Variants in GAS7 observed in about 807,000 individuals in gnomAD.
The protein encoded by GAS7 is growth arrest specific 7, also known as growth arrest-specific protein 7.
Under a neutral mutation model 71.1 loss-of-function variants are expected in GAS7, and 28 were observed. The observed-to-expected ratio is 0.39, with a 90% CI of 0.29 to 0.54. The LOEUF (loss-of-function observed/expected upper bound fraction) is 0.54. Ranked by LOEUF, GAS7 falls within the 20% of genes least tolerant of loss-of-function variation. The pLI, the probability that GAS7 is intolerant of heterozygous loss-of-function variation, is 0.62. For missense variants in GAS7, 436 were observed against 627.8 expected (o/e 0.69, Z 3.27); for synonymous variants, 258 against 245.8 (o/e 1.05, Z -0.46).
chr17:10,104,313 G>A (rs1041443962), intron 1 of GAS7, among the ~76,000 whole-genome samples: 1 of 152,052 alleles, frequency 6.6e-6, no homozygotes, highest in Non-Finnish European at 1.5e-5. Context: ...ACTGCTCTGG[G>A]CTCCCATGAC....
intron 1 of GAS7, among the ~76,000 whole-genome samples, chr17:10,041,876 G>A (rs954959325): frequency 2.0e-5 from 3 of 152,102 alleles, no homozygotes; most frequent in Admixed American, 1.3e-4. Context: ...TGAGTTCAAC[G>A]GCATCAGATA....
rs760627389 is a variant in GAS7, at chr17:9,918,140, C to T, written c.1219-41G>A. 13 of 1,465,740 alleles carry T rather than the reference C, an allele frequency of 8.9e-6. No individual in the cohort carries two copies. In the Admixed American group the frequency reaches 1.5e-4, roughly 17 times the overall value. The allele number at this position is 1,465,740 out of a possible 1,614,324, so 90.8% of individuals were successfully genotyped here. A position where few individuals can be genotyped will look rare whatever the true frequency, so the allele number is the denominator to read the frequency against. ...AGGCCAGAGAACTCTGAGCACGTCC[C>T]CTCCACTTGGGGGTCCCCCCACCAA... On this transcript the variant is annotated intron_variant, in intron 12 of 13. Transcript: ENST00000432992.
chr17:10,181,501 C>CA lies in GAS7; in HGVS notation c.183+16706dup, dbSNP rs1051756402. Among the ~76,000 whole-genome samples, 93 of 151,126 alleles carry CA rather than the reference C, an allele frequency of 6.2e-4. 2 individuals carry two copies. Among genetic ancestry groups the CA allele is most frequent in the Admixed American group, 1.8e-3 (28 of 15,180 alleles). ...GAACAGCATGCACAGGGTACAGAAG[C>CA]AAAAAAAAGCAAAGCTGTACCCAAG... On this transcript the variant is annotated intron_variant, in intron 1 of 13. Coordinates refer to ENST00000432992, the MANE Select transcript of GAS7 (RefSeq NM_201433.2).
chr17:10,126,895 T>C (rs952247578), intron 1 of GAS7, among the ~76,000 whole-genome samples: 3 of 152,154 alleles, frequency 2.0e-5, no homozygotes, highest in Non-Finnish European at 4.4e-5. Context: ...TTTTAACCTC[T>C]TTGGGTCTCT....
Position 9,920,490 on chromosome 17 carries a change from A to C in GAS7, c.1139-785T>G, listed in dbSNP as rs138841077. ...TTAGAAAGAAAACACACTGCGAAGT[A>C]ATTGCAAACATTACTAAGCGTACCA... is the stretch of plus-strand genomic sequence containing the variant. On this transcript the variant is annotated intron_variant, in intron 11 of 13. Coordinates refer to ENST00000432992, the MANE Select transcript of GAS7 (RefSeq NM_201433.2). 1.4e-4 allele frequency among the ~76,000 whole-genome samples: 21 copies of C among 152,370 alleles called. No individual in the cohort carries two copies. The East Asian group carries it at 3.3e-3, about 24-fold the overall frequency.
intron 5 of GAS7, 69 bp from the exon 6 acceptor site, chr17:9,947,052 T>C: frequency 9.6e-7 from 1 of 1,046,144 alleles, no homozygotes; most frequent in Non-Finnish European, 1.5e-6. Flanking sequence ...CTTCGGCTCC[T>C]GGGGGACACG....
intron 1 of GAS7, among the ~76,000 whole-genome samples, chr17:10,115,480 G>A (rs1275537282): frequency 6.6e-6 from 1 of 152,216 alleles, no homozygotes; most frequent in Non-Finnish European, 1.5e-5. Context: ...AGAAAGAAGT[G>A]TTCCTAACTG....
At position 10,058,831 on chromosome 17, in the gene GAS7, A is replaced by G. The variant is rs866528027; in HGVS notation, c.184-38934T>C. Reference sequence around the variant, plus strand: ...TTAGGTGGGGAAATAGAGCCTCAGAAAAGTTGACAAAATGGTCACACAGGT... The same window carrying G: ...TTAGGTGGGGAAATAGAGCCTCAGAGAAGTTGACAAAATGGTCACACAGGT... On this transcript the variant is annotated intron_variant, in intron 1 of 13. Transcript: ENST00000432992. Among the ~76,000 whole-genome samples the G allele has an allele frequency of 1.4e-4, 22 of 152,370 alleles. No homozygotes were observed. The Middle Eastern group carries it at 0.01, about 71-fold the overall frequency.
rs1371468090 is a variant in GAS7, at chr17:9,969,753, T to C, written c.395A>G (p.Tyr132Cys). ...GTGCGCTGGGGTCCCTGATGCGTGG[T>C]ATCCATTCACTGCAGGGACAGAGAC... is the stretch of plus-strand genomic sequence containing the variant. Reference protein sequence around the residue: ...RSSLPPTVNGYHASGTPAHPP... With the variant: ...RSSLPPTVNGCHASGTPAHPP... Residue 132 changes from tyrosine to cysteine, a missense_variant, in exon 4 of 14, where the codon TAC becomes TGC. Physicochemically the swap from Tyr to Cys is radical, Grantham distance 194. Transcript: ENST00000432992. This position sits in a 1 kb window ranked among gnomAD's most constrained non-coding sequence, Gnocchi z 5.5. 1.2e-6 allele frequency: 2 copies of C among 1,607,764 alleles called. No homozygotes were observed. The highest frequency in any genetic ancestry group is 1.7e-6 in the Non-Finnish European group (2 of 1,174,166).
chr17:9,972,402 T>C (rs1233319162), intron 3 of GAS7, among the ~76,000 whole-genome samples: 1 of 152,162 alleles, frequency 6.6e-6, no homozygotes, highest in African/African-American at 2.4e-5. Context: ...AGAAATTTTA[T>C]CAAATAGCAT....
intron 1 of GAS7, among the ~76,000 whole-genome samples, chr17:10,074,339 T>C (rs144153176): frequency 3.3e-5 from 5 of 152,282 alleles, no homozygotes; most frequent in Admixed American, 2.6e-4. Context: ...ACTACTTAGG[T>C]GGTTACACTG....
chr17:10,167,263 G>T (rs1419297486), intron 1 of GAS7, among the ~76,000 whole-genome samples: 1 of 151,638 alleles, frequency 6.6e-6, no homozygotes, highest in Non-Finnish European at 1.5e-5. Flanking sequence ...CTCCATGTTG[G>T]TCAGGCTGTT....
intron 1 of GAS7, chr17:10,059,729 G>A (rs569015561): frequency 4.2e-5 from 41 of 985,146 alleles, no homozygotes; most frequent in Admixed American, 1.2e-4. Flanking sequence ...AATCTGACAC[G>A]CTGGTCATTT....
Position 10,028,465 on chromosome 17 carries a change from T to C in GAS7, c.184-8568A>G, listed in dbSNP as rs528784161. On this transcript the variant is annotated intron_variant, in intron 1 of 13. Transcript: ENST00000432992. Reference sequence around the variant, plus strand: ...GGGAAGGGGGAGGCAAGATAATATGTATTGTTTATTTTATTGCAGAAAATA... The same window carrying C: ...GGGAAGGGGGAGGCAAGATAATATGCATTGTTTATTTTATTGCAGAAAATA... Among the ~76,000 whole-genome samples the C allele has an allele frequency of 4.0e-4, 61 of 152,246 alleles. 1 individual carries two copies. The highest frequency in any genetic ancestry group is 1.4e-3 in the African/African-American group (59 of 41,544).
chr17:10,005,372 T>G (rs1195242785), intron 2 of GAS7, among the ~76,000 whole-genome samples: 1 of 151,872 alleles, frequency 6.6e-6, no homozygotes, highest in African/African-American at 2.4e-5. Flanking sequence ...TTCCTGACTT[T>G]GTGTCTGATG....
At chr17:9,979,804 G>C (rs1201039842) in intron 3 of GAS7, among the ~76,000 whole-genome samples, 1 of 151,818 alleles carries the variant, frequency 6.6e-6, no homozygotes, top group Non-Finnish European at 1.5e-5. Context: ...GGCTGGCCTG[G>C]AGCCAGCCAG....
Position 9,963,039 on chromosome 17 carries a change from G to GAT in GAS7, c.472-3785_472-3784insAT, listed in dbSNP as rs1555605778. Among the ~76,000 whole-genome samples the GAT allele has an allele frequency of 3.1e-5, 4 of 131,020 alleles. No individual in the cohort carries two copies. In the Admixed American group the frequency reaches 3.1e-4, roughly 10 times the overall value. 86.0% of individuals were successfully genotyped at this position (131,020 alleles called of 152,430 possible). On this transcript the variant is annotated intron_variant, in intron 4 of 13. Transcript: ENST00000432992. ...CTCAAAAATAAATCGTCAAGGTGAT[G>GAT]AAAAAAAAAAAAAAGAAAAAAAGGT...
At chr17:10,066,433 G>T (rs1253299515) in intron 1 of GAS7, among the ~76,000 whole-genome samples, 1 of 152,162 alleles carries the variant, frequency 6.6e-6, no homozygotes, top group Non-Finnish European at 1.5e-5. Context: ...GCCCGCCTCG[G>T]CCTTTCAAAG....
intron 1 of GAS7, among the ~76,000 whole-genome samples, chr17:10,064,976 A>T (rs2073265646): frequency 6.7e-6 from 1 of 149,362 alleles, no homozygotes; most frequent in Non-Finnish European, 1.5e-5. Context: ...GTGTGCCACC[A>T]CACCTAGTGA....
Sources: gnomAD v4.1 joint callset for allele counts (sites outside exome capture counted in the v4.1 genomes callset) on GRCh38, gnomAD v4.1.1 for gene constraint, Gnocchi (gnomAD v3.1) non-coding constraint, MANE v1.5 for transcripts, NCBI Gene and HGNC (gene_info 2026-07-23, HGNC 2026-07-21) for gene names.